Variants in CNTNAP2 observed in about 807,000 individuals in gnomAD.
The protein encoded by CNTNAP2 is contactin associated protein 2, also known as contactin-associated protein-like 2.
CNTNAP2 carries 98 observed loss-of-function variants against 155.2 expected under a neutral mutation model. The observed-to-expected ratio is 0.63, with a 90% CI of 0.54 to 0.75. The LOEUF is 0.75. Among genes scored for constraint, CNTNAP2 ranks in the 30% least tolerant of loss-of-function variants. CNTNAP2 has a pLI of 0.00. For missense variants in CNTNAP2, 1,727 were observed against 1,688.1 expected, an observed-to-expected ratio of 1.02 and a Z score of -0.40; for synonymous variants, 651 against 631.2, an observed-to-expected ratio of 1.03 and a Z score of -0.47.
chr7:147,499,540 A>G (rs1444644198), intron 11 of CNTNAP2, among the ~76,000 whole-genome samples: 1 of 152,048 alleles, frequency 6.6e-6, no homozygotes, highest in Admixed American at 6.5e-5. Context: ...AAAAAAAAAT[A>G]CCGATATAAT....
intron 1 of CNTNAP2, among the ~76,000 whole-genome samples, chr7:146,613,987 A>G (rs1254269854): frequency 6.6e-6 from 1 of 152,194 alleles, no homozygotes; most frequent in Non-Finnish European, 1.5e-5. Flanking sequence ...TTGGGAAGGA[A>G]TTCACTAAGT....
At chr7:148,024,454 C>A (rs1802343136) in intron 15 of CNTNAP2, among the ~76,000 whole-genome samples, 1 of 152,160 alleles carries the variant, frequency 6.6e-6, no homozygotes, top group African/African-American at 2.4e-5. Context: ...ATGTTTCAGC[C>A]TTGGGGGCTT....
In CNTNAP2 at chr7:147,869,220, T is replaced by A. The variant is rs545906278; in HGVS notation, c.2099-34345T>A. Among the ~76,000 whole-genome samples the A allele has an allele frequency of 1.7e-3, 252 of 152,348 alleles. 1 individual carries two copies. Among genetic ancestry groups the A allele is most frequent in the African/African-American group, 5.7e-3 (239 of 41,582 alleles). On this transcript the variant is annotated intron_variant, in intron 13 of 23. Transcript: ENST00000361727. ...CTACAGTGATCCTGAAGTAAATTACTGTGTATATGACACAGTGCATTATCA... is the reference window on the plus strand; with the variant it reads ...CTACAGTGATCCTGAAGTAAATTACAGTGTATATGACACAGTGCATTATCA...
chr7:148,103,051 A>T (rs1804135991), intron 15 of CNTNAP2, among the ~76,000 whole-genome samples: 1 of 152,178 alleles, frequency 6.6e-6, no homozygotes, highest in Admixed American at 6.5e-5. Context: ...GGTCATAGGT[A>T]GGTAAGAGAC....
chr7:146,796,742 G>A (rs1415186230), intron 2 of CNTNAP2, among the ~76,000 whole-genome samples: 1 of 152,004 alleles, frequency 6.6e-6, no homozygotes, highest in African/African-American at 2.4e-5. Flanking sequence ...TACCATGGAG[G>A]TAATAATGCT....
chr7:146,759,995 C>T (rs891640445), intron 1 of CNTNAP2, among the ~76,000 whole-genome samples: 7 of 152,098 alleles, frequency 4.6e-5, no homozygotes. Context: ...TCTTAGGGAG[C>T]TTTTACAAGT....
At position 146,715,126 on chromosome 7, in the gene CNTNAP2, TTCGAG is replaced by T. The variant is rs889638969; in HGVS notation, c.98-59144_98-59140del. 9.2e-5 allele frequency among the ~76,000 whole-genome samples: 14 copies of T among 151,890 alleles called. 1 individual carries two copies. The highest frequency in any genetic ancestry group is 8.5e-4 in the Admixed American group (13 of 15,218). On this transcript the variant is annotated intron_variant, in intron 1 of 23. Coordinates refer to ENST00000361727, the MANE Select transcript of CNTNAP2 (RefSeq NM_014141.6). ...CGGGCAGTTCACCTGAGGTCACGAGTTCGAGAGTAGCTTGGCCAACATGGTGAAAC... is the reference window on the plus strand; with the variant it reads ...CGGGCAGTTCACCTGAGGTCACGAGTAGTAGCTTGGCCAACATGGTGAAAC...
At chr7:147,794,922 C>T (rs888655542) in intron 13 of CNTNAP2, among the ~76,000 whole-genome samples, 7 of 151,000 alleles carry the variant, frequency 4.6e-5, no homozygotes, top group East Asian at 1.9e-4. Flanking sequence ...CTGTAAAGTT[C>T]GTAGTAATAC....
intron 13 of CNTNAP2, among the ~76,000 whole-genome samples, chr7:147,815,455 G>T (rs1796482): frequency 0.063 from 9,554 of 151,746 alleles, 950 homozygotes; most frequent in African/African-American, 0.21. Flanking sequence ...TTGCATGTGG[G>T]CCCCGACATC....
intron 1 of CNTNAP2, among the ~76,000 whole-genome samples, chr7:146,477,624 AACACACACACACAC>A (rs1162610079): frequency 0.019 from 2,454 of 131,706 alleles, 25 homozygotes; most frequent in Middle Eastern, 0.058. Flanking sequence ...TTCTTCAGCA[AACACACACACACAC>A]ACACACACAC....
At chr7:147,488,555 T>TTA (rs1491256206) in intron 11 of CNTNAP2, among the ~76,000 whole-genome samples, 1 of 151,640 alleles carries the variant, frequency 6.6e-6, no homozygotes, top group Non-Finnish European at 1.5e-5. Context: ...TATTTTTTTT[T>TTA]AAAAAAAGCA....
intron 3 of CNTNAP2, among the ~76,000 whole-genome samples, chr7:146,933,866 A>G (rs1219354880): frequency 6.6e-6 from 1 of 152,108 alleles, no homozygotes; most frequent in Admixed American, 6.5e-5. Context: ...GCCATTAGAG[A>G]AATGCAAATC....
intron 1 of CNTNAP2, among the ~76,000 whole-genome samples, chr7:146,183,785 C>T (rs886579874): frequency 6.6e-6 from 1 of 152,034 alleles, no homozygotes; most frequent in Admixed American, 6.6e-5. Context: ...CAACTCAGAA[C>T]CCTTTATAAT....
intron 2 of CNTNAP2, among the ~76,000 whole-genome samples, chr7:146,830,470 A>G (rs542634936): frequency 1.2e-3 from 176 of 152,246 alleles, no homozygotes; most frequent in African/African-American, 3.9e-3. Flanking sequence ...TCATTTATAT[A>G]TATATATGTA....
chr7:147,278,992 T>C (rs1804968599), intron 8 of CNTNAP2, among the ~76,000 whole-genome samples: 1 of 151,472 alleles, frequency 6.6e-6, no homozygotes, highest in Admixed American at 6.6e-5. Flanking sequence ...TATACATAGC[T>C]TGCTAGACAT....
intron 1 of CNTNAP2, among the ~76,000 whole-genome samples, chr7:146,373,570 A>T (rs1342677902): frequency 1.3e-5 from 2 of 152,186 alleles, no homozygotes; most frequent in Admixed American, 6.5e-5. Flanking sequence ...AAAATACACC[A>T]GAAAGATAAA....
At chr7:146,663,921 G>A (rs1800139738) in intron 1 of CNTNAP2, among the ~76,000 whole-genome samples, 1 of 152,024 alleles carries the variant, frequency 6.6e-6, no homozygotes, top group African/African-American at 2.4e-5. Flanking sequence ...TGTGGTAAAA[G>A]CAAGCCTCCC....
In CNTNAP2 at chr7:146,842,889, G is replaced by T. The variant is rs544215030; in HGVS notation, c.402+2985G>T. Reference sequence around the variant, plus strand: ...TTTAGTAGAGACGGGGTTTCACCGAGTTAGCCAGGATGGTCTCCATCTCCT... The same window carrying T: ...TTTAGTAGAGACGGGGTTTCACCGATTTAGCCAGGATGGTCTCCATCTCCT... On this transcript the variant is annotated intron_variant, in intron 3 of 23. Coordinates refer to ENST00000361727, the MANE Select transcript of CNTNAP2 (RefSeq NM_014141.6). 4.4e-4 allele frequency among the ~76,000 whole-genome samples: 66 copies of T among 149,200 alleles called. No homozygotes were observed. The South Asian group carries it at 0.013, about 30-fold the overall frequency.
intron 12 of CNTNAP2, among the ~76,000 whole-genome samples, chr7:147,599,855 A>G (rs7781971): frequency 0.4 from 61,457 of 152,046 alleles, 12,420 homozygotes; most frequent in Admixed American, 0.44. Context: ...TCCAAATAAG[A>G]TCACATTCAC....
Sources: gnomAD v4.1 joint callset for allele counts (sites outside exome capture counted in the v4.1 genomes callset) on GRCh38, gnomAD v4.1.1 for gene constraint, MANE v1.5 for transcripts, NCBI Gene and HGNC (gene_info 2026-07-23, HGNC 2026-07-21) for gene names.